The following RAD51B variants were observed in gnomAD, a reference collection of about 807,000 sequenced individuals.
The protein encoded by RAD51B is DNA repair protein RAD51 homolog 2.
RAD51B carries 38 observed loss-of-function variants against 42.2 expected under a neutral mutation model. That is an observed-to-expected ratio of 0.90 (90% CI 0.70 to 1.18). The LOEUF (loss-of-function observed/expected upper bound fraction) is 1.18, where lower values mean the gene tolerates loss of function less well. RAD51B is among the 50% of genes most tolerant of loss of function. RAD51B has a pLI of 0.00. For synonymous variants in RAD51B, 154 were observed against 145.2 expected, an observed-to-expected ratio of 1.06 and a Z score of -0.43; for missense variants, 373 against 400.7, an observed-to-expected ratio of 0.93 and a Z score of 0.59.
downstream of RAD51B, among the ~76,000 whole-genome samples, chr14:68,600,643 G>A (rs1180085371): frequency 6.6e-6 from 1 of 152,108 alleles, no homozygotes; most frequent in Admixed American, 6.5e-5. Context: ...TCCTTTCATG[G>A]CCTGATAAAA....
At chr14:68,051,116 A>G (rs997362730) in intron 7 of RAD51B, among the ~76,000 whole-genome samples, 1 of 152,028 alleles carries the variant, frequency 6.6e-6, no homozygotes, top group African/African-American at 2.4e-5. Flanking sequence ...CTAAGAATAA[A>G]CTAAAAGGGA....
intron 11 of RAD51B, among the ~76,000 whole-genome samples, chr14:68,679,833 A>G (rs1019884961): frequency 1.3e-5 from 2 of 152,220 alleles, no homozygotes; most frequent in African/African-American, 2.4e-5. Context: ...TAGGTGTTCT[A>G]TAACGTTCTT....
chr14:67,934,639 C>A (rs149339606), intron 7 of RAD51B, among the ~76,000 whole-genome samples: 104 of 152,012 alleles, frequency 6.8e-4, no homozygotes, highest in Non-Finnish European at 1.2e-3. Flanking sequence ...GAAATAATAC[C>A]TTTTATTTTT....
chr14:68,376,470 G>GA (rs1288507852), intron 8 of RAD51B, among the ~76,000 whole-genome samples: 1 of 152,244 alleles, frequency 6.6e-6, no homozygotes, highest in Non-Finnish European at 1.5e-5. Flanking sequence ...AGTTATCCAA[G>GA]AATGAATGGT....
intron 7 of RAD51B, among the ~76,000 whole-genome samples, chr14:68,160,476 C>A (rs1199156808): frequency 6.6e-6 from 1 of 152,160 alleles, no homozygotes; most frequent in African/African-American, 2.4e-5. Context: ...AGAAATCTTA[C>A]TCTGTTTTGC....
chr14:68,595,550 A>C lies in RAD51B; in HGVS notation c.*947A>C, dbSNP rs1173293512. The C allele has an allele frequency of 3.8e-6, 4 of 1,066,576 alleles. No homozygotes were observed. In the African/African-American group the frequency reaches 6.5e-5, roughly 17 times the overall value. The allele number at this position is 1,066,576 out of a possible 1,614,324, so 66.1% of individuals were successfully genotyped here. A position where few individuals can be genotyped will look rare whatever the true frequency, so the allele number is the denominator to read the frequency against. ...AGTCTGTCTGGCCCATCAAATGACC[A>C]ATGGCTTTTAAGGAAGGACTAAGTG... is the stretch of plus-strand genomic sequence containing the variant. On this transcript the variant is annotated 3_prime_UTR_variant, in exon 11 of 11. Transcript: ENST00000487270.
intron 10 of RAD51B, chr14:68,468,693 T>C: frequency 1.3e-5 from 4 of 316,050 alleles, no homozygotes; most frequent in South Asian, 1.1e-4. Flanking sequence ...CATGGCTCCA[T>C]GAGCCCTACT....
chr14:67,947,871 T>A (rs2045449267), intron 7 of RAD51B, among the ~76,000 whole-genome samples: 1 of 152,232 alleles, frequency 6.6e-6, no homozygotes, highest in African/African-American at 2.4e-5. Flanking sequence ...CAATTAGATA[T>A]TTAAGAAACA....
chr14:68,383,343 G>C lies in RAD51B; in HGVS notation c.854-28081G>C, dbSNP rs575798271. On this transcript the variant is annotated intron_variant, in intron 8 of 10. Transcript: ENST00000471583. ...TTTTGACAATGTCACAGATGTGGAG[G>C]GATGCTACTGGTGTCTACCCAGGGA... Among the ~76,000 whole-genome samples, 33 of 152,266 alleles carry C rather than the reference G, an allele frequency of 2.2e-4. No individual in the cohort carries two copies. In the South Asian group the frequency reaches 6.8e-3, roughly 32 times the overall value.
chr14:68,330,921 A>G (rs1337466345), intron 8 of RAD51B, among the ~76,000 whole-genome samples: 1 of 152,200 alleles, frequency 6.6e-6, no homozygotes, highest in Non-Finnish European at 1.5e-5. Flanking sequence ...TGTCAGCTCT[A>G]GTATGTATGT....
At chr14:68,324,503 CCGGGGCTCAGTCT>C (rs1290616546) in intron 8 of RAD51B, among the ~76,000 whole-genome samples, 1 of 152,174 alleles carries the variant, frequency 6.6e-6, no homozygotes. Context: ...CCAGGACTGG[CCGGGGCTCAGTCT>C]GCACGTGCTC....
chr14:68,061,283 G>T (rs2076564977), intron 7 of RAD51B, among the ~76,000 whole-genome samples: 3 of 151,882 alleles, frequency 2.0e-5, no homozygotes, highest in Non-Finnish European at 2.9e-5. Context: ...TGGCCAGGCT[G>T]GTCTCAAACT....
intron 5 of RAD51B, among the ~76,000 whole-genome samples, chr14:67,873,213 A>C (rs557662078): frequency 1.0e-3 from 156 of 152,366 alleles, no homozygotes; most frequent in African/African-American, 3.5e-3. Flanking sequence ...TAATATCCAG[A>C]ATCTACAATG....
chr14:68,287,445 GA>G (rs1298106116), intron 7 of RAD51B, among the ~76,000 whole-genome samples: 1 of 152,154 alleles, frequency 6.6e-6, no homozygotes, highest in Non-Finnish European at 1.5e-5. Flanking sequence ...CTAATAGGTG[GA>G]TGGTATTCTT....
chr14:68,148,308 A>C (rs1220992327), intron 7 of RAD51B, among the ~76,000 whole-genome samples: 3 of 152,326 alleles, frequency 2.0e-5, no homozygotes, highest in Admixed American at 2.0e-4. Context: ...CAAATTTTTG[A>C]AAAGAGGTAT....
chr14:68,586,199 C>T (rs969482068), intron 10 of RAD51B, among the ~76,000 whole-genome samples: 1 of 152,074 alleles, frequency 6.6e-6, no homozygotes, highest in Non-Finnish European at 1.5e-5. Context: ...ACAGTAGATT[C>T]GCCCTGAGGA....
At chr14:68,363,242 A>G (rs1180630604) in intron 8 of RAD51B, among the ~76,000 whole-genome samples, 1 of 152,370 alleles carries the variant, frequency 6.6e-6, no homozygotes, top group East Asian at 1.9e-4. Flanking sequence ...GCCAAAACAA[A>G]TTCTATCGAT....
At chr14:67,986,163 A>G (rs1054797279) in intron 7 of RAD51B, among the ~76,000 whole-genome samples, 4 of 152,216 alleles carry the variant, frequency 2.6e-5, no homozygotes, top group African/African-American at 7.2e-5. Flanking sequence ...GAGATGATTT[A>G]TCTTGGTAAT....
intron 7 of RAD51B, among the ~76,000 whole-genome samples, chr14:67,966,628 A>T (rs1003848810): frequency 6.6e-6 from 1 of 152,178 alleles, no homozygotes; most frequent in Non-Finnish European, 1.5e-5. Flanking sequence ...TTCTCTATGC[A>T]TTGACTTAGA....
Sources: allele counts gnomAD v4.1 joint callset (sites outside exome capture counted in the v4.1 genomes callset), GRCh38; gene constraint gnomAD v4.1.1; transcripts MANE v1.5; gene names NCBI Gene and HGNC (gene_info 2026-07-23, HGNC 2026-07-21).